The following ZNF620 variants were observed in gnomAD, a reference collection of about 807,000 sequenced individuals.
The protein encoded by ZNF620 is zinc finger protein 620.
ZNF620 carries 10 observed loss-of-function variants against 13.3 expected under a neutral mutation model. That is an observed-to-expected ratio of 0.75 (90% CI 0.46 to 1.28). ZNF620 has a LOEUF of 1.28. ZNF620 is among the 50% of genes most tolerant of loss of function. ZNF620 has a pLI of 0.00. For synonymous variants in ZNF620, 166 were observed against 177.6 expected, an observed-to-expected ratio of 0.93 and a Z score of 0.52; for missense variants, 461 against 500.2, an observed-to-expected ratio of 0.92 and a Z score of 0.75.
Position 40,516,082 on chromosome 3 carries a change from A to C in ZNF620, c.488A>C (p.Glu163Ala). 6.2e-7 allele frequency: 1 copy of C among 1,614,192 alleles called. No individual in the cohort carries two copies. The highest frequency in any genetic ancestry group is 8.5e-7 in the Non-Finnish European group (1 of 1,180,024). The change falls in exon 5 of 5, where the codon GAG (glutamate) becomes GCG (alanine). Residue 163 changes from glutamate to alanine, a missense_variant. Transcript: ENST00000314529. Reference protein sequence around the residue: ...DTSARHHEAYEVKNGEKFEKL... With the variant: ...DTSARHHEAYAVKNGEKFEKL... ...TCAGCCAGGCACCATGAGGCCTATG[A>C]GGTCAAGAATGGAGAGAAGTTTGAG...
Position 40,511,487 on chromosome 3 carries a change from GGATGT to G in ZNF620, c.44_48del (p.Asp15GlyfsTer8). ...TGTTTTAGGAACCAGTGACCTTTGA[GGATGT>G]GGCTGTGTACTTCACCCAGAATGAA... On this transcript the variant is annotated frameshift_variant, in exon 3 of 5. Coordinates refer to ENST00000314529, the MANE Select transcript of ZNF620 (RefSeq NM_175888.4). LOFTEE classifies it high-confidence loss of function. The G allele has an allele frequency of 6.2e-7, 1 of 1,613,536 alleles. No homozygotes were observed. The highest frequency in any genetic ancestry group is 8.5e-7 in the Non-Finnish European group (1 of 1,179,644).
rs767688778 is a variant in ZNF620 at position 40,516,309 on chromosome 3, C to T, written c.715C>T (p.Leu239Phe). 6.2e-6 allele frequency: 10 copies of T among 1,614,010 alleles called. No individual in the cohort carries two copies. Among genetic ancestry groups the T allele is most frequent in the East Asian group, 2.2e-5 (1 of 44,896 alleles). ...CGKYFRYNSL[L>F]IRHQIIHTGK... Reference sequence around the variant, plus strand: ...AAAATACTTCAGATATAACTCATTACTTATTCGGCATCAGATAATTCACAC... The same window carrying T: ...AAAATACTTCAGATATAACTCATTATTTATTCGGCATCAGATAATTCACAC... The change falls in exon 5 of 5, where the codon CTT becomes TTT. Residue 239 changes from leucine (L) to phenylalanine (F), a missense_variant. Coordinates refer to ENST00000314529, the MANE Select transcript of ZNF620 (RefSeq NM_175888.4).
At chr3:40,512,847 G>A (rs1370698722) in intron 4 of ZNF620, among the ~76,000 whole-genome samples, 2 of 152,104 alleles carry the variant, frequency 1.3e-5, no homozygotes, top group Non-Finnish European at 2.9e-5. Flanking sequence ...CTGCCAGTTT[G>A]TTTTTGCAAA....
At position 40,511,496 on chromosome 3, in the gene ZNF620, T is replaced by C. The variant is rs774990258; in HGVS notation, c.51T>C (p.Ala17=). 1.9e-6 allele frequency: 3 copies of C among 1,613,676 alleles called. No individual in the cohort carries two copies. In the South Asian group the frequency reaches 3.3e-5, roughly 18 times the overall value. ...RQEPVTFEDV[A]VYFTQNEWAS... is the part of the protein sequence containing the mutation. The stretch of plus-strand genomic sequence containing the variant: ...AACCAGTGACCTTTGAGGATGTGGC[T>C]GTGTACTTCACCCAGAATGAATGGG... Residue 17 remains alanine (A), a synonymous_variant, in exon 3 of 5, where the codon GCT becomes GCC. Coordinates refer to ENST00000314529, the MANE Select transcript of ZNF620 (RefSeq NM_175888.4).
intron 4 of ZNF620, among the ~76,000 whole-genome samples, chr3:40,513,536 G>T (rs920603958): frequency 1.1e-4 from 17 of 151,148 alleles, no homozygotes; most frequent in Admixed American, 2.6e-4. Context: ...CTACTCAGGA[G>T]GCGGAGGCAG....
intron 1 of ZNF620, 65 bp downstream of exon 1, chr3:40,506,203 G>A (rs113601171): frequency 5.2e-6 from 5 of 965,600 alleles, no homozygotes; most frequent in African/African-American, 3.2e-5. Flanking sequence ...TTTTTGGGGT[G>A]AGGAGTTGGC....
chr3:40,507,089 G>GTTTTTT lies in ZNF620; in HGVS notation c.24+729_24+734dup, dbSNP rs370195603. On this transcript the variant is annotated intron_variant, in intron 2 of 4. Transcript: ENST00000314529. ...CTGTGTCTATTTAGATGACCATATG[G>GTTTTTT]TTTTTTTTTTTTTTTTTTTTTGAGA... 6.1e-4 allele frequency among the ~76,000 whole-genome samples: 60 copies of GTTTTTT among 98,162 alleles called. 1 individual carries two copies. The highest frequency in any genetic ancestry group is 2.0e-3 in the African/African-American group (47 of 24,064). The allele number at this position is 98,162 out of a possible 152,430, so 64.4% of individuals were successfully genotyped here. A position where few individuals can be genotyped will look rare whatever the true frequency, so the allele number is the denominator to read the frequency against.
Position 40,518,080 on chromosome 3 carries a change from A to G in ZNF620, c.*1217A>G, listed in dbSNP as rs955601733. On this transcript the variant is annotated 3_prime_UTR_variant, in exon 5 of 5. Transcript: ENST00000314529. Reference sequence around the variant, plus strand: ...CTCATTGCTGTTTCAAGTGACCTCAAAGCAGGCAGCATTTTCTTGCAATTC... The same window carrying G: ...CTCATTGCTGTTTCAAGTGACCTCAGAGCAGGCAGCATTTTCTTGCAATTC... The G allele has an allele frequency of 6.6e-6, 1 of 152,260 alleles. No individual in the cohort carries two copies. Among genetic ancestry groups the G allele is most frequent in the African/African-American group, 2.4e-5 (1 of 41,468 alleles). 9.4% of individuals were successfully genotyped at this position (152,260 alleles called of 1,614,324 possible).
intron 4 of ZNF620, among the ~76,000 whole-genome samples, chr3:40,513,319 ATATATATATATATATATATAT>A (rs1698266108): frequency 1.1e-4 from 10 of 94,996 alleles, no homozygotes; most frequent in Non-Finnish European, 1.9e-4. Flanking sequence ...AAAAAAAAAT[ATATATATATATATATATATAT>A]ATATATATAT....
chr3:40,506,738 A>G (rs943968051), intron 2 of ZNF620, among the ~76,000 whole-genome samples: 2 of 152,228 alleles, frequency 1.3e-5, no homozygotes, highest in Admixed American at 6.5e-5. Context: ...TATTTTCTAC[A>G]TAGGTCATCT....
At chr3:40,507,765 A>G (rs530113837) in intron 2 of ZNF620, among the ~76,000 whole-genome samples, 24 of 152,254 alleles carry the variant, frequency 1.6e-4, no homozygotes, top group Admixed American at 3.9e-4. Context: ...CCTTTGGTAG[A>G]TACAGGGGCT....
chr3:40,511,673 T>G (rs990937173), intron 3 of ZNF620, 77 bp downstream of exon 3: 2 of 1,528,966 alleles, frequency 1.3e-6, no homozygotes, highest in South Asian at 1.2e-5. Context: ...CTTTGTGGGG[T>G]TTTTTTCTTT....
intron 2 of ZNF620, among the ~76,000 whole-genome samples, chr3:40,510,720 T>C (rs1698167584): frequency 6.6e-6 from 1 of 152,144 alleles, no homozygotes; most frequent in Non-Finnish European, 1.5e-5. Context: ...TAAAATTCTG[T>C]TTATACCTCT....
chr3:40,512,495 C>T lies in ZNF620; in HGVS notation c.245C>T (p.Ala82Val). ...LDPWEPMGREALRGICPGDEA... is the reference protein window; with the variant it reads ...LDPWEPMGREVLRGICPGDEA... ...CCCTGGGAACCTATGGGCAGGGAGGCTCTCAGAGGTATCTGTCCAGGTGAG... is the reference window on the plus strand; with the variant it reads ...CCCTGGGAACCTATGGGCAGGGAGGTTCTCAGAGGTATCTGTCCAGGTGAG... Residue 82 changes from alanine to valine, a missense_variant, in exon 4 of 5, where the codon GCT becomes GTT. By Grantham distance (64) the Ala-to-Val change is moderately conservative (BLOSUM62 0). Transcript: ENST00000314529. 1 of 1,613,346 alleles carries T rather than the reference C, an allele frequency of 6.2e-7. No homozygotes were observed. The highest frequency in any genetic ancestry group is 2.2e-5 in the East Asian group (1 of 44,874).
chr3:40,509,708 CTA>C (rs1465139483), intron 2 of ZNF620, among the ~76,000 whole-genome samples: 1 of 152,142 alleles, frequency 6.6e-6, no homozygotes, highest in East Asian at 1.9e-4. Flanking sequence ...GATTCCATCT[CTA>C]TGCAGCCCTC....
chr3:40,516,749 T>A lies in ZNF620; in HGVS notation c.1155T>A (p.Val385=), dbSNP rs372407532. ...QKITLIQHQR[V]HTGEKPYECK... ...TAACCCTGATTCAGCACCAGCGAGT[T>A]CACACTGGCGAGAAACCTTATGAGT... The change falls in exon 5 of 5, where the codon GTT becomes GTA. Residue 385 remains valine, a synonymous_variant. Coordinates refer to ENST00000314529, the MANE Select transcript of ZNF620 (RefSeq NM_175888.4). The A allele has an allele frequency of 6.2e-7, 1 of 1,614,202 alleles. No homozygotes were observed. The highest frequency in any genetic ancestry group is 1.3e-5 in the African/African-American group (1 of 75,038).
intron 2 of ZNF620, chr3:40,508,604 G>A: frequency 2.8e-6 from 1 of 359,418 alleles, no homozygotes; most frequent in South Asian, 2.1e-5. Context: ...TATCTACATT[G>A]TCTTATATGA....
chr3:40,511,751 G>A (rs531217498), intron 3 of ZNF620, among the ~76,000 whole-genome samples, 155 bp downstream of exon 3: 10 of 151,114 alleles, frequency 6.6e-5, no homozygotes, highest in East Asian at 2.0e-4. Context: ...GCGCAATCTC[G>A]GCTCACTACA....
rs76137915 is a variant in ZNF620, at chr3:40,508,163, T to C, written c.24+1787T>C. ...CTTTAAGAACTAGCTTCTGGTTTCA[T>C]TACTTTTCTGTTTTATGTCATTAGT... On this transcript the variant is annotated intron_variant, in intron 2 of 4. Transcript: ENST00000314529. Among the ~76,000 whole-genome samples, 1,088 of 152,308 alleles carry C rather than the reference T, an allele frequency of 7.1e-3. 25 individuals carry two copies. Among genetic ancestry groups the C allele is most frequent in the East Asian group, 0.051 (264 of 5,188 alleles).
Sources: gnomAD v4.1 joint callset for allele counts (sites outside exome capture counted in the v4.1 genomes callset) on GRCh38, gnomAD v4.1.1 for gene constraint, MANE v1.5 for transcripts, NCBI Gene and HGNC (gene_info 2026-07-23, HGNC 2026-07-21) for gene names.